Variants in PHC3 observed in about 807,000 individuals in gnomAD.
PHC3 encodes the protein polyhomeotic homolog 3.
In PHC3, 13 loss-of-function variants were observed where a neutral mutation model predicts 107.4. The observed-to-expected ratio is 0.12, with a 90% CI of 0.08 to 0.19. The LOEUF (loss-of-function observed/expected upper bound fraction) is 0.19. PHC3 is among the 10% of genes least tolerant of loss of function. The probability of loss-of-function intolerance (pLI) is 1.00; values close to 1 mark genes in which losing one functional copy is unlikely to be tolerated. For synonymous variants in PHC3, 456 were observed against 427.4 expected (o/e 1.07, Z -0.83); for missense variants, 992 against 1,210.9 (o/e 0.82, Z 2.68).
intron 12 of PHC3, among the ~76,000 whole-genome samples, chr3:170,106,109 G>A (rs1716458108): frequency 6.6e-6 from 1 of 152,122 alleles, no homozygotes; most frequent in Non-Finnish European, 1.5e-5. Context: ...CTACTCAGGA[G>A]GCTGAGGCAG....
Position 170,089,635 on chromosome 3 carries a change from G to A in PHC3, c.*7595C>T, listed in dbSNP as rs6771599. On this transcript the variant is annotated 3_prime_UTR_variant, in exon 15 of 15. Transcript: ENST00000495893. Reference sequence around the variant, plus strand: ...AGTTTTAGAAAGTTGCTACACTGTCGGACAGGTGTGGTGGCTCATGCCTGT... The same window carrying A: ...AGTTTTAGAAAGTTGCTACACTGTCAGACAGGTGTGGTGGCTCATGCCTGT... The A allele has an allele frequency of 0.025, 3,860 of 152,082 alleles. 145 individuals are homozygous for A. Among genetic ancestry groups the A allele is most frequent in the African/African-American group, 0.087 (3,616 of 41,442 alleles). 9.4% of individuals were successfully genotyped at this position (152,082 alleles called of 1,614,324 possible).
intron 11 of PHC3, among the ~76,000 whole-genome samples, chr3:170,113,055 AATTG>A (rs1718146168): frequency 6.6e-6 from 1 of 152,136 alleles, no homozygotes; most frequent in Admixed American, 6.5e-5. Context: ...AAAGAAAGAA[AATTG>A]ATTGTTTTGA....
chr3:170,097,039 TTTATTAA>T lies in PHC3; in HGVS notation c.*184_*190del, dbSNP rs1296423758. On this transcript the variant is annotated 3_prime_UTR_variant, in exon 15 of 15. Coordinates refer to ENST00000495893, the MANE Select transcript of PHC3 (RefSeq NM_024947.4). This position sits in a 1 kb window ranked among gnomAD's most constrained non-coding sequence, Gnocchi z 4.1. ...ACCTGTAAAATTAATTTTACCAATG[TTTATTAA>T]TTATGAAAATGCATGATGAATTATT... is the stretch of plus-strand genomic sequence containing the variant. 2 of 462,660 alleles carry T rather than the reference TTTATTAA, an allele frequency of 4.3e-6. No homozygotes were observed. The highest frequency in any genetic ancestry group is 3.9e-5 in the African/African-American group (2 of 50,838). 28.7% of individuals were successfully genotyped at this position (462,660 alleles called of 1,614,324 possible).
intron 4 of PHC3, chr3:170,171,117 A>G (rs1729515858): frequency 4.0e-6 from 2 of 495,174 alleles, no homozygotes; most frequent in Non-Finnish European, 7.0e-6. Flanking sequence ...AGCTGAAACC[A>G]CATAAGATCT....
chr3:170,106,057 C>T (rs888389867), intron 12 of PHC3, among the ~76,000 whole-genome samples: 8 of 151,982 alleles, frequency 5.3e-5, no homozygotes, highest in African/African-American at 1.9e-4. Flanking sequence ...ACTAAAAATA[C>T]AAAAATTAGC....
chr3:170,146,204 A>G (rs539801774), intron 5 of PHC3, among the ~76,000 whole-genome samples: 2 of 152,066 alleles, frequency 1.3e-5, no homozygotes, highest in South Asian at 4.1e-4. Context: ...GTGAAACCCC[A>G]TCTCTACTAA....
intron 4 of PHC3, among the ~76,000 whole-genome samples, chr3:170,155,030 CAAAGA>C (rs1726663615): frequency 1.3e-5 from 2 of 152,198 alleles, no homozygotes; most frequent in Admixed American, 1.3e-4. Context: ...TCACACTCCA[CAAAGA>C]AACTCACTTA....
At chr3:170,176,803 T>C (rs1018397273) in intron 2 of PHC3, 14 of 422,212 alleles carry the variant, frequency 3.3e-5, no homozygotes, top group Non-Finnish European at 6.6e-5. Flanking sequence ...TCTAGATACT[T>C]CATTAATCTC....
chr3:170,127,603 TGAG>T (rs2108453245), intron 8 of PHC3, among the ~76,000 whole-genome samples: 1 of 152,308 alleles, frequency 6.6e-6, no homozygotes, highest in African/African-American at 2.4e-5. Flanking sequence ...TAAAGAACAT[TGAG>T]GATAATCCAA....
At chr3:170,171,479 C>G (rs1202304653) in intron 3 of PHC3, 29 bp from the exon 4 acceptor site, 2 of 1,482,420 alleles carry the variant, frequency 1.3e-6, no homozygotes, top group Non-Finnish European at 9.1e-7. Flanking sequence ...TAGAATATGT[C>G]GGTAAAAACC....
intron 6 of PHC3, among the ~76,000 whole-genome samples, chr3:170,143,482 ATAT>A (rs1450041049): frequency 6.6e-6 from 1 of 151,908 alleles, no homozygotes; most frequent in Non-Finnish European, 1.5e-5. Context: ...ATACCAAGGA[ATAT>A]TATTACTACC....
chr3:170,114,966 C>G (rs1051102021), intron 10 of PHC3, among the ~76,000 whole-genome samples: 4 of 152,086 alleles, frequency 2.6e-5, no homozygotes, highest in African/African-American at 9.7e-5. Flanking sequence ...TAAAGAAAAA[C>G]TCACATTCAA....
At position 170,176,123 on chromosome 3, in the gene PHC3, G is replaced by A. The variant is rs543181407; in HGVS notation, c.180+2650C>T. ...TGCCTGTAGTCCCAGCTGTTCTGGAGGCTGAAGCAGGAGAATCGCTTGAAC... is the reference window on the plus strand; with the variant it reads ...TGCCTGTAGTCCCAGCTGTTCTGGAAGCTGAAGCAGGAGAATCGCTTGAAC... On this transcript the variant is annotated intron_variant, in intron 2 of 14. Transcript: ENST00000495893. Among the ~76,000 whole-genome samples, 62 of 151,290 alleles carry A rather than the reference G, an allele frequency of 4.1e-4. No individual in the cohort carries two copies. In the Middle Eastern group the frequency reaches 0.01, roughly 25 times the overall value.
intron 8 of PHC3, among the ~76,000 whole-genome samples, chr3:170,127,088 C>CA (rs1165190769): frequency 2.6e-5 from 4 of 151,788 alleles, no homozygotes; most frequent in Admixed American, 2.6e-4. Flanking sequence ...GCTTCCTATA[C>CA]CCCTGTTTTT....
At chr3:170,137,860 T>A (rs1457029352) in intron 6 of PHC3, among the ~76,000 whole-genome samples, 1 of 152,112 alleles carries the variant, frequency 6.6e-6, no homozygotes, top group Non-Finnish European at 1.5e-5. Context: ...ATGGCACCAC[T>A]GCACTCCAGC....
chr3:170,150,623 G>T (rs913856592), intron 4 of PHC3: 3 of 254,660 alleles, frequency 1.2e-5, no homozygotes, highest in African/African-American at 7.1e-5. Context: ...TGAGGCAGAA[G>T]AATGGCGTGA....
In PHC3 at chr3:170,171,457, T is replaced by C. The variant is rs1304607026; in HGVS notation, c.337-7A>G. Reference sequence around the variant, plus strand: ...TTCCACTGGACAAACTTGCCTAAAATAGTAAGACTTTTAGAATATGTCGGT... The same window carrying C: ...TTCCACTGGACAAACTTGCCTAAAACAGTAAGACTTTTAGAATATGTCGGT... On this transcript the variant is annotated splice_polypyrimidine_tract_variant and splice_region_variant and intron_variant, in intron 3 of 14. Transcript: ENST00000495893. The C allele has an allele frequency of 2.5e-6, 4 of 1,572,836 alleles. No individual in the cohort carries two copies. Among genetic ancestry groups the C allele is most frequent in the Middle Eastern group, 1.7e-4 (1 of 6,000 alleles).
chr3:170,177,230 G>C (rs6444902), intron 2 of PHC3, among the ~76,000 whole-genome samples: 65,171 of 151,552 alleles, frequency 0.43, 14,204 homozygotes, highest in East Asian at 0.69. Flanking sequence ...ATAAAATAAA[G>C]CTACAACCAT....
rs190336199 is a variant in PHC3 at position 170,122,751 on chromosome 3, T to C, written c.1789-7A>G. ...CATCTTCTACCTGATAAACCTGCAA[T>C]GACAAACCATACTGCCTTAAAATGT... On this transcript the variant is annotated splice_region_variant and splice_polypyrimidine_tract_variant and intron_variant, in intron 8 of 14. Coordinates refer to ENST00000495893, the MANE Select transcript of PHC3 (RefSeq NM_024947.4). 1 of 1,613,616 alleles carries C rather than the reference T, an allele frequency of 6.2e-7. No individual in the cohort carries two copies. The highest frequency in any genetic ancestry group is 1.7e-5 in the Admixed American group (1 of 59,988).
Sources: gnomAD v4.1 joint callset for allele counts (sites outside exome capture counted in the v4.1 genomes callset) on GRCh38, gnomAD v4.1.1 for gene constraint, Gnocchi (gnomAD v3.1) non-coding constraint, MANE v1.5 for transcripts, NCBI Gene and HGNC (gene_info 2026-07-23, HGNC 2026-07-21) for gene names.